The following TCEAL5 variants were observed in gnomAD, a reference collection of about 807,000 sequenced individuals.
The protein encoded by TCEAL5 is transcription elongation factor A like 5.
For missense variants in TCEAL5, 111 were observed against 158.1 expected (o/e 0.70, Z 1.60); for synonymous variants, 65 against 61.2 (o/e 1.06, Z -0.29).
At chrX:103,276,555 A>T (rs1459685177) in intron 1 of TCEAL5, 118 bp downstream of exon 1, 1 of 110,675 alleles carries the variant, frequency 9.0e-6, no homozygotes, top group Non-Finnish European at 1.9e-5. Context: ...AACACAAAAA[A>T]ATTTCTGCGC....
intron 1 of TCEAL5, 117 bp from the exon 2 acceptor site, chrX:103,275,459 C>T (rs1925540831): frequency 8.9e-6 from 1 of 112,028 alleles, no homozygotes; most frequent in African/African-American, 3.3e-5. Context: ...CTCCTATCAC[C>T]TCCTCGCCTT....
intron 2 of TCEAL5, 136 bp from the exon 3 acceptor site, chrX:103,274,726 C>A: frequency 1.7e-6 from 1 of 594,000 alleles, no homozygotes; most frequent in Non-Finnish European, 2.5e-6. Context: ...CCCTTACATT[C>A]CTTCCTTTCC....
intron 2 of TCEAL5, 128 bp from the exon 3 acceptor site, chrX:103,274,718 C>G: frequency 1.6e-6 from 1 of 624,933 alleles, no homozygotes; most frequent in East Asian, 3.4e-5. Context: ...CACTCCCACC[C>G]TTACATTCCT....
rs923265381 is a variant in TCEAL5 at position 103,273,820 on chromosome X, A to G, written c.*123T>C. On this transcript the variant is annotated 3_prime_UTR_variant, in exon 3 of 3. Transcript: ENST00000372680. ...TTGGGTCAAAAGTCTGCTGGTAACA[A>G]GAGTGACACCTAAAGGAAAGTATCA... is the stretch of plus-strand genomic sequence containing the variant. 4.8e-6 allele frequency: 5 copies of G among 1,031,462 alleles called. No homozygotes were observed. The highest frequency in any genetic ancestry group is 6.6e-5 in the East Asian group (2 of 30,170). The allele number at this position is 1,031,462 out of a possible 1,213,427, so 85.0% of individuals were successfully genotyped here.
intron 2 of TCEAL5, 63 bp downstream of exon 2, chrX:103,275,212 C>T (rs1925536888): frequency 8.9e-6 from 1 of 111,813 alleles, no homozygotes; most frequent in East Asian, 2.8e-4. Flanking sequence ...TCCCCAACTT[C>T]TGCTCTGGCT....
In TCEAL5 at chrX:103,276,666, T is replaced by C. The variant is rs1048140887; in HGVS notation, c.-96+7A>G. ...CCCTACCTCAGGGGTCCCCGGCTTG[T>C]ACCGACCTGCAGGGCTGTAGGGCAG... On this transcript the variant is annotated splice_region_variant and intron_variant, in intron 1 of 2. Transcript: ENST00000372680. 1.8e-5 allele frequency: 2 copies of C among 111,314 alleles called. No individual in the cohort carries two copies. The highest frequency in any genetic ancestry group is 6.6e-5 in the African/African-American group (2 of 30,526). The allele number at this position is 111,314 out of a possible 1,213,427, so 9.2% of individuals were successfully genotyped here. A position where few individuals can be genotyped will look rare whatever the true frequency, so the allele number is the denominator to read the frequency against.
intron 2 of TCEAL5, among the ~76,000 whole-genome samples, 161 bp from the exon 3 acceptor site, chrX:103,274,751 A>G (rs1179560472): frequency 9.0e-6 from 1 of 111,135 alleles, no homozygotes; most frequent in Non-Finnish European, 1.9e-5. Context: ...CACTTTACAC[A>G]TGTTCACACA....
intron 1 of TCEAL5, among the ~76,000 whole-genome samples, chrX:103,276,425 T>A (rs1423197123): frequency 9.3e-6 from 1 of 108,002 alleles, no homozygotes; most frequent in Non-Finnish European, 1.9e-5. Flanking sequence ...ACCACAGGGA[T>A]CCACAGGCTG....
intron 1 of TCEAL5, among the ~76,000 whole-genome samples, chrX:103,276,320 C>A (rs1925559820): frequency 1.0e-5 from 1 of 98,911 alleles, no homozygotes; most frequent in African/African-American, 3.7e-5. Flanking sequence ...CCGCACCAAG[C>A]CCTCCATTTC....
rs781396411 is a variant in TCEAL5 at position 103,274,513 on chromosome X, G to T, written c.51C>A (p.Asn17Lys). The change falls in exon 3 of 3, where the codon AAC becomes AAA. Residue 17 changes from asparagine to lysine, a missense_variant. By Grantham distance (94) the Asn-to-Lys change is moderately conservative (BLOSUM62 0). Coordinates refer to ENST00000372680, the MANE Select transcript of TCEAL5 (RefSeq NM_001012979.3). Reference sequence around the variant, plus strand: ...CCTCTGGCTTTCCCTCACTTTCTAGGTTTCTTTCATTCTCTGGCTTTCCTT... The same window carrying T: ...CCTCTGGCTTTCCCTCACTTTCTAGTTTTCTTTCATTCTCTGGCTTTCCTT... ...ENEGKPENER[N>K]LESEGKPEDE... 9.1e-6 allele frequency: 11 copies of T among 1,205,122 alleles called. No individual in the cohort carries two copies. The South Asian group carries it at 2.0e-4, about 22-fold the overall frequency.
At position 103,273,869 on chromosome X, in the gene TCEAL5, C is replaced by T; in HGVS notation, c.*74G>A. The T allele has an allele frequency of 6.1e-6, 7 of 1,152,594 alleles. No homozygotes were observed. The highest frequency in any genetic ancestry group is 7.0e-6 in the Non-Finnish European group (6 of 862,535). 95.0% of individuals were successfully genotyped at this position (1,152,594 alleles called of 1,213,427 possible). A position where few individuals can be genotyped will look rare whatever the true frequency, so the allele number is the denominator to read the frequency against. On this transcript the variant is annotated 3_prime_UTR_variant, in exon 3 of 3. Transcript: ENST00000372680. ...CAGCTTAAGGTTAAAGCACATAGGC[C>T]GGCAAATGCCTGCCAGGAAAAGCAG...
rs1355833099 is a variant in TCEAL5, at chrX:103,274,604, A to C, written c.-27-14T>G. ...TCTTTGCCTTTCCTAGGAGACAAAAAGAAGACACAGGACACTGAGGGCTTT... is the reference window on the plus strand; with the variant it reads ...TCTTTGCCTTTCCTAGGAGACAAAACGAAGACACAGGACACTGAGGGCTTT... On this transcript the variant is annotated splice_polypyrimidine_tract_variant and intron_variant, in intron 2 of 2. Transcript: ENST00000372680. 8.6e-7 allele frequency: 1 copy of C among 1,158,163 alleles called. No individual in the cohort carries two copies. The highest frequency in any genetic ancestry group is 1.8e-5 in the African/African-American group (1 of 54,926).
chrX:103,276,622 A>G (rs1925566560), intron 1 of TCEAL5, 51 bp downstream of exon 1: 1 of 111,253 alleles, frequency 9.0e-6, no homozygotes, highest in Non-Finnish European at 1.9e-5. Flanking sequence ...GATCCTCTGT[A>G]GCCTATGTGC....
At chrX:103,275,549 C>T (rs207478688) in intron 1 of TCEAL5, among the ~76,000 whole-genome samples, 3 of 111,796 alleles carry the variant, frequency 2.7e-5, no homozygotes, top group Non-Finnish European at 5.6e-5. Context: ...GGGAAATAGG[C>T]GAGAAAGATT....
Position 103,276,001 on chromosome X carries a change from CT to C in TCEAL5, c.-95-660del, listed in dbSNP as rs1431898654. 2.7e-5 allele frequency among the ~76,000 whole-genome samples: 3 copies of C among 111,778 alleles called. No individual in the cohort carries two copies. The East Asian group carries it at 8.4e-4, about 31-fold the overall frequency. On this transcript the variant is annotated intron_variant, in intron 1 of 2. Coordinates refer to ENST00000372680, the MANE Select transcript of TCEAL5 (RefSeq NM_001012979.3). ...CCTTTTTCTACAGCACCTCCTTCCC[CT>C]GACCCCCTTAGCCCACCGTTTCCGG...
chrX:103,274,397 T>G lies in TCEAL5; in HGVS notation c.167A>C (p.Asp56Ala), dbSNP rs1382437319. 3 of 1,211,130 alleles carry G rather than the reference T, an allele frequency of 2.5e-6. No individual in the cohort carries two copies. The Admixed American group carries it at 6.5e-5, about 26-fold the overall frequency. Residue 56 changes from aspartate to alanine, a missense_variant, in exon 3 of 3, where the codon GAT becomes GCT. Coordinates refer to ENST00000372680, the MANE Select transcript of TCEAL5 (RefSeq NM_001012979.3). ...GKTECEGKREDEGEPGDEGQL... is the reference protein window; with the variant it reads ...GKTECEGKREAEGEPGDEGQL... ...TCCCTCATCACCTGGCTCTCCCTCA[T>G]CCTCTCGCTTTCCCTCGCATTCTGT... is the stretch of plus-strand genomic sequence containing the variant.
At chrX:103,275,570 C>T (rs779008172) in intron 1 of TCEAL5, among the ~76,000 whole-genome samples, 29 of 111,815 alleles carry the variant, frequency 2.6e-4, no homozygotes, top group Admixed American at 7.6e-4. Context: ...ATTTCCAAAG[C>T]GTTTCTATGT....
chrX:103,275,990 A>AC lies in TCEAL5; in HGVS notation c.-95-649dup, dbSNP rs780300405. Among the ~76,000 whole-genome samples, 91 of 110,895 alleles carry AC rather than the reference A, an allele frequency of 8.2e-4. No homozygotes were observed. In the East Asian group the frequency reaches 0.025, roughly 31 times the overall value. On this transcript the variant is annotated intron_variant, in intron 1 of 2. Coordinates refer to ENST00000372680, the MANE Select transcript of TCEAL5 (RefSeq NM_001012979.3). Reference sequence around the variant, plus strand: ...ACCTCTGTCTCCCTTTTTCTACAGCACCTCCTTCCCCTGACCCCCTTAGCC... The same window carrying AC: ...ACCTCTGTCTCCCTTTTTCTACAGCACCCTCCTTCCCCTGACCCCCTTAGCC...
In TCEAL5 at chrX:103,274,268, T is replaced by C; in HGVS notation, c.296A>G (p.Gln99Arg). 7 of 1,211,528 alleles carry C rather than the reference T, an allele frequency of 5.8e-6. No homozygotes were observed. The highest frequency in any genetic ancestry group is 7.8e-6 in the Non-Finnish European group (7 of 895,511). Residue 99 changes from glutamine (Q) to arginine (R), a missense_variant, in exon 3 of 3, where the codon CAG (glutamine) becomes CGG (arginine). Gln to Arg is a conservative substitution (Grantham distance 43). Transcript: ENST00000372680. ...KPASQAKPES[Q>R]PRAAEKRPAE... ...CGGGCGCTTTTCGGCGGCCCGCGGC[T>C]GGCTCTCTGGCTTGGCCTGGGAGGC...
Sources: gnomAD v4.1 joint callset for allele counts (sites outside exome capture counted in the v4.1 genomes callset) on GRCh38, gnomAD v4.1.1 for gene constraint, MANE v1.5 for transcripts, NCBI Gene and HGNC (gene_info 2026-07-23, HGNC 2026-07-21) for gene names.